NR5A1: variants seen among roughly 807,000 people sequenced by gnomAD.
The protein encoded by NR5A1 is nuclear receptor subfamily 5 group A member 1.
NR5A1 carries 6 observed loss-of-function variants against 42.7 expected under a neutral mutation model. That is an observed-to-expected ratio of 0.14 (90% CI 0.08 to 0.28). The LOEUF (loss-of-function observed/expected upper bound fraction) is 0.28, where lower values mean the gene tolerates loss of function less well. Ranked by LOEUF, NR5A1 falls within the 10% of genes least tolerant of loss-of-function variation. The pLI, the probability that NR5A1 is intolerant of heterozygous loss-of-function variation, is 1.00. For missense variants in NR5A1, 442 were observed against 626.4 expected (o/e 0.71, Z 3.14); for synonymous variants, 274 against 277.5 (o/e 0.99, Z 0.12).
intron 1 of NR5A1, among the ~76,000 whole-genome samples, chr9:124,504,205 G>C (rs1461280904): frequency 6.6e-6 from 1 of 152,144 alleles, no homozygotes; most frequent in Non-Finnish European, 1.5e-5. Flanking sequence ...GACGAGAGGA[G>C]CCCCGGAGAG....
chr9:124,493,956 A>G (rs1233882353), intron 4 of NR5A1, among the ~76,000 whole-genome samples: 1 of 152,146 alleles, frequency 6.6e-6, no homozygotes, highest in Non-Finnish European at 1.5e-5. Context: ...CCACCCGGAA[A>G]GGGCAAGAGA....
rs887831665 is a variant in NR5A1 at position 124,501,721 on chromosome 9, G to A, written c.245-1006C>T. 6.6e-6 allele frequency among the ~76,000 whole-genome samples: 1 copy of A among 152,216 alleles called. No homozygotes were observed. Among genetic ancestry groups the A allele is most frequent in the African/African-American group, 2.4e-5 (1 of 41,452 alleles). On this transcript the variant is annotated intron_variant, in intron 3 of 6. Transcript: ENST00000373588. The surrounding 1 kb of genome is among the most constrained non-coding windows in gnomAD (Gnocchi z 4.1). ...TTGGGACCTGGCACTAGGGGCATGG[G>A]CTCTGGGGACAGGACAGGATGTCCC...
chr9:124,506,807 G>A (rs943381636), intron 1 of NR5A1, among the ~76,000 whole-genome samples: 5 of 152,148 alleles, frequency 3.3e-5, no homozygotes, highest in East Asian at 1.9e-4. Context: ...GACCTGGCCC[G>A]GCCGCAGAAC....
intron 1 of NR5A1, among the ~76,000 whole-genome samples, chr9:124,505,812 G>T (rs998594815): frequency 6.6e-6 from 1 of 152,180 alleles, no homozygotes; most frequent in African/African-American, 2.4e-5. Flanking sequence ...GGCGGTCTTG[G>T]GGACAAAGGG....
chr9:124,500,471 G>A lies in NR5A1; in HGVS notation c.489C>T (p.Asp163=). 1 of 1,596,460 alleles carries A rather than the reference G, an allele frequency of 6.3e-7. No homozygotes were observed. The highest frequency in any genetic ancestry group is 1.1e-5 in the South Asian group (1 of 89,720). The change falls in exon 4 of 7, where the codon GAC becomes GAT. Residue 163 remains aspartate, a synonymous_variant. Transcript: ENST00000373588. This position sits in a 1 kb window ranked among gnomAD's most constrained non-coding sequence, Gnocchi z 6.9. The stretch of plus-strand genomic sequence containing the variant: ...CCATGGGCAGTGCTGGGGCCCCAAA[G>A]TCGCCCAGTGGCCCAGCAGGTGGAC... The part of the protein sequence containing the change: ...AAGPPAGPLG[D]FGAPALPMAV...
chr9:124,493,219 C>A, intron 4 of NR5A1, 70 bp from the exon 5 acceptor site: 1 of 1,550,136 alleles, frequency 6.5e-7, no homozygotes, highest in Admixed American at 1.8e-5. Context: ...CACCCCTTCT[C>A]CTCCCACTGA....
At chr9:124,502,986 C>G in intron 3 of NR5A1, 93 bp downstream of exon 3, 3 of 1,470,110 alleles carry the variant, frequency 2.0e-6, no homozygotes, top group Non-Finnish European at 2.7e-6. Context: ...TCGCGAAGGC[C>G]AATGGTACTA....
At position 124,493,069 on chromosome 9, in the gene NR5A1, G is replaced by A. The variant is rs147024762; in HGVS notation, c.951C>T (p.His317=). 5.7e-5 allele frequency: 91 copies of A among 1,610,350 alleles called. No individual in the cohort carries two copies. The highest frequency in any genetic ancestry group is 1.7e-4 in the Middle Eastern group (1 of 6,048). Residue 317 remains histidine (H), a synonymous_variant, in exon 5 of 7, where the codon CAC becomes CAT. Coordinates refer to ENST00000373588, the MANE Select transcript of NR5A1 (RefSeq NM_004959.5). ...CCAGCAGGATGCTGCCCTCCTTGCC[G>A]TGCTGGACCTGGCGGTAGATGTGGT... ...VFDHIYRQVQ[H]GKEGSILLVT...
In NR5A1 at chr9:124,503,565, TC is replaced by T. The variant is rs1468998730; in HGVS notation, c.-15-156del. Among the ~76,000 whole-genome samples the T allele has an allele frequency of 6.6e-6, 1 of 151,642 alleles. No homozygotes were observed. The highest frequency in any genetic ancestry group is 1.5e-5 in the Non-Finnish European group (1 of 67,876). On this transcript the variant is annotated intron_variant, in intron 1 of 6. Transcript: ENST00000373588. This position sits in a 1 kb window ranked among gnomAD's most constrained non-coding sequence, Gnocchi z 9.6. The stretch of plus-strand genomic sequence containing the variant: ...CACCCACCGAGCGCCCCGCGCAGCG[TC>T]CCGGGGTGGGTCCGGTGCAGTCCCC...
Position 124,482,595 on chromosome 9 carries a change from C to G in NR5A1, c.*163G>C. On this transcript the variant is annotated 3_prime_UTR_variant, in exon 7 of 7. Coordinates refer to ENST00000373588, the MANE Select transcript of NR5A1 (RefSeq NM_004959.5). ...GCCCAGCCTCACCCACCTTCCCAAA[C>G]ACACAGTGTCAGAACTCAGGGGCAG... 1.2e-6 allele frequency: 1 copy of G among 835,938 alleles called. No individual in the cohort carries two copies. The highest frequency in any genetic ancestry group is 1.9e-6 in the Non-Finnish European group (1 of 534,594). The allele number at this position is 835,938 out of a possible 1,614,324, so 51.8% of individuals were successfully genotyped here.
In NR5A1 at chr9:124,482,265, A is replaced by G. The variant is rs950586789; in HGVS notation, c.*493T>C. The G allele has an allele frequency of 1.4e-5, 3 of 217,926 alleles. No homozygotes were observed. Among genetic ancestry groups the G allele is most frequent in the African/African-American group, 6.9e-5 (3 of 43,480 alleles). 13.5% of individuals were successfully genotyped at this position (217,926 alleles called of 1,614,324 possible). ...AACTCGGTTATCCTTAGTTTACAAA[A>G]CAGAGGCTCTCCCTCCTGGTCTCTA... On this transcript the variant is annotated 3_prime_UTR_variant, in exon 7 of 7. Transcript: ENST00000373588.
chr9:124,486,654 C>G lies in NR5A1; in HGVS notation c.1139-3649G>C, dbSNP rs141302357. Reference sequence around the variant, plus strand: ...CTCTGGACTCTAGACTTGCCTTCCTCCTCATCTGGAGACCTTGTACAAGTC... The same window carrying G: ...CTCTGGACTCTAGACTTGCCTTCCTGCTCATCTGGAGACCTTGTACAAGTC... On this transcript the variant is annotated intron_variant, in intron 6 of 6. Transcript: ENST00000373588. Among the ~76,000 whole-genome samples, 44 of 152,338 alleles carry G rather than the reference C, an allele frequency of 2.9e-4. 1 individual carries two copies. Among genetic ancestry groups the G allele is most frequent in the African/African-American group, 1.0e-3 (42 of 41,578 alleles).
chr9:124,482,840 T>C lies in NR5A1; in HGVS notation c.1304A>G (p.Glu435Gly). ...GCCCAGGTGCTTGTGGTACAGGTAC[T>C]CCTTGGCCTGCATGCTCAGGGCCCG... is the stretch of plus-strand genomic sequence containing the variant. Reference protein sequence around the residue: ...EVRALSMQAKEYLYHKHLGNE... With the variant: ...EVRALSMQAKGYLYHKHLGNE... The change falls in exon 7 of 7, where the codon GAG becomes GGG. Residue 435 changes from glutamate to glycine, a missense_variant. Physicochemically the swap from Glu to Gly is moderately conservative, Grantham distance 98 (BLOSUM62 -2). Coordinates refer to ENST00000373588, the MANE Select transcript of NR5A1 (RefSeq NM_004959.5). 6.2e-7 allele frequency: 1 copy of C among 1,613,522 alleles called. No individual in the cohort carries two copies.
chr9:124,491,276 C>T (rs113928841), intron 5 of NR5A1, 48 bp from the exon 6 acceptor site: 16 of 1,490,824 alleles, frequency 1.1e-5, no homozygotes, highest in Middle Eastern at 2.4e-4. Context: ...GACGTGGGTC[C>T]GGGCAGGTGG....
intron 6 of NR5A1, among the ~76,000 whole-genome samples, chr9:124,485,600 G>C (rs1470166720): frequency 1.3e-5 from 2 of 152,118 alleles, no homozygotes; most frequent in East Asian, 3.9e-4. Context: ...ACTTCCCCAG[G>C]GTCACCACTA....
Position 124,500,490 on chromosome 9 carries a change from G to T in NR5A1, c.470C>A (p.Pro157His). Reference protein sequence around the residue: ...PEPKGLAAGPPAGPLGDFGAP... With the variant: ...PEPKGLAAGPHAGPLGDFGAP... Reference sequence around the variant, plus strand: ...CCCAAAGTCGCCCAGTGGCCCAGCAGGTGGACCGGCGGCCAGGCCCTTGGG... The same window carrying T: ...CCCAAAGTCGCCCAGTGGCCCAGCATGTGGACCGGCGGCCAGGCCCTTGGG... Residue 157 changes from proline (P) to histidine (H), a missense_variant, in exon 4 of 7, where the codon CCT (proline) becomes CAT (histidine). Physicochemically the swap from Pro to His is moderately conservative, Grantham distance 77 (BLOSUM62 -2). Coordinates refer to ENST00000373588, the MANE Select transcript of NR5A1 (RefSeq NM_004959.5). The surrounding 1 kb of genome is among the most constrained non-coding windows in gnomAD (Gnocchi z 6.9). 1 of 1,603,212 alleles carries T rather than the reference G, an allele frequency of 6.2e-7. No individual in the cohort carries two copies. Among genetic ancestry groups the T allele is most frequent in the Non-Finnish European group, 8.5e-7 (1 of 1,177,016 alleles).
At chr9:124,495,393 C>T (rs903574894) in intron 4 of NR5A1, among the ~76,000 whole-genome samples, 9 of 152,214 alleles carry the variant, frequency 5.9e-5, no homozygotes, top group Non-Finnish European at 4.4e-5. Context: ...CCTGCCCTGC[C>T]GACATTCTGC....
chr9:124,506,683 C>T lies in NR5A1; in HGVS notation c.-16+566G>A, dbSNP rs145413484. On this transcript the variant is annotated intron_variant, in intron 1 of 6. Coordinates refer to ENST00000373588, the MANE Select transcript of NR5A1 (RefSeq NM_004959.5). ...TTTCTACTCTCACCGGCTGGAAGCC[C>T]ATGGCTCCTCTGCACTCCAGGCTCC... 7.2e-5 allele frequency among the ~76,000 whole-genome samples: 11 copies of T among 152,302 alleles called. No individual in the cohort carries two copies. The East Asian group carries it at 2.1e-3, about 29-fold the overall frequency.
chr9:124,500,233 G>C lies in NR5A1; in HGVS notation c.727C>G (p.Arg243Gly). The C allele has an allele frequency of 6.2e-7, 1 of 1,606,124 alleles. No individual in the cohort carries two copies. The highest frequency in any genetic ancestry group is 8.5e-7 in the Non-Finnish European group (1 of 1,176,388). Residue 243 changes from arginine to glycine, a missense_variant, in exon 4 of 7, where the codon CGC becomes GGC. Around this residue, in one of 3 missense-constraint regions of NR5A1, gnomAD observed 208 missense variants for 203.8 expected, o/e 1.02. Coordinates refer to ENST00000373588, the MANE Select transcript of NR5A1 (RefSeq NM_004959.5). This position sits in a 1 kb window ranked among gnomAD's most constrained non-coding sequence, Gnocchi z 6.9. Reference protein sequence around the residue: ...LEPDEDQVRARILGCLQEPTK... With the variant: ...LEPDEDQVRAGILGCLQEPTK... The stretch of plus-strand genomic sequence containing the variant: ...GGCTCCTGCAGGCAGCCCAAGATGC[G>C]GGCCCGCACCTGGTCCTCATCCGGC...
Sources: gnomAD v4.1 joint callset for allele counts (sites outside exome capture counted in the v4.1 genomes callset) on GRCh38, gnomAD v4.1.1 for gene constraint, gnomAD v4.1.1 regional missense constraint, Gnocchi (gnomAD v3.1) non-coding constraint, MANE v1.5 for transcripts, NCBI Gene and HGNC (gene_info 2026-07-23, HGNC 2026-07-21) for gene names.